Variants in ARL15 observed in about 807,000 individuals in gnomAD.
ARL15 encodes ARF like GTPase 15.
A neutral mutation model predicts 25.2 loss-of-function variants in ARL15; 19 were observed. That is an observed-to-expected ratio of 0.75 (90% CI 0.53 to 1.10). The LOEUF is 1.10. ARL15 is among the 50% of genes least tolerant of loss of function. ARL15 has a pLI of 0.00. For missense variants in ARL15, 220 were observed against 246.0 expected (o/e 0.89, Z 0.71); for synonymous variants, 94 against 86.8 (o/e 1.08, Z -0.46).
chr5:54,114,709 A>T (rs2112223563), intron 3 of ARL15, among the ~76,000 whole-genome samples: 1 of 152,316 alleles, frequency 6.6e-6, no homozygotes, highest in African/African-American at 2.4e-5. Flanking sequence ...GATTTGCATG[A>T]GTTAGCAGAC....
chr5:54,197,208 G>C (rs1755575639), intron 1 of ARL15, among the ~76,000 whole-genome samples: 1 of 152,038 alleles, frequency 6.6e-6, no homozygotes, highest in Admixed American at 6.6e-5. Context: ...TCAGCAGCAA[G>C]AACACAATGT....
chr5:54,266,018 A>G (rs1757614389), intron 1 of ARL15, among the ~76,000 whole-genome samples: 1 of 152,170 alleles, frequency 6.6e-6, no homozygotes, highest in Non-Finnish European at 1.5e-5. Flanking sequence ...CTAAATATCC[A>G]GTTTTTTATT....
intron 4 of ARL15, among the ~76,000 whole-genome samples, chr5:53,957,898 T>C (rs921305282): frequency 5.9e-5 from 9 of 152,108 alleles, no homozygotes; most frequent in Non-Finnish European, 1.3e-4. Flanking sequence ...CTCCTCTTTT[T>C]ACTTTCTACA....
Position 54,079,967 on chromosome 5 carries a change from T to TCACA in ARL15, c.462+33231_462+33234dup, listed in dbSNP as rs58908566. On this transcript the variant is annotated intron_variant, in intron 4 of 4. Coordinates refer to ENST00000504924, the MANE Select transcript of ARL15 (RefSeq NM_019087.3). ...CCTCGGTGACAAGAGTGAGACTCCG[T>TCACA]CACACACACACACACACACACACAC... is the stretch of plus-strand genomic sequence containing the variant. 9.0e-3 allele frequency among the ~76,000 whole-genome samples: 1,118 copies of TCACA among 124,348 alleles called. 10 individuals carry two copies. Among genetic ancestry groups the TCACA allele is most frequent in the East Asian group, 0.019 (68 of 3,560 alleles). 81.6% of individuals were successfully genotyped at this position (124,348 alleles called of 152,430 possible). A position where few individuals can be genotyped will look rare whatever the true frequency, so the allele number is the denominator to read the frequency against.
intron 4 of ARL15, among the ~76,000 whole-genome samples, chr5:53,931,196 GA>G (rs766772132): frequency 6.6e-6 from 1 of 151,988 alleles, no homozygotes; most frequent in Non-Finnish European, 1.5e-5. Flanking sequence ...AAAACGCAGG[GA>G]AAAAAATCTC....
intron 1 of ARL15, among the ~76,000 whole-genome samples, chr5:54,272,684 C>T (rs1019434405): frequency 6.6e-6 from 1 of 152,182 alleles, no homozygotes; most frequent in African/African-American, 2.4e-5. Context: ...AAAGGATGAT[C>T]CTCATGTAGC....
chr5:54,075,230 T>C (rs889988039), intron 4 of ARL15, among the ~76,000 whole-genome samples: 3 of 152,066 alleles, frequency 2.0e-5, no homozygotes, highest in African/African-American at 4.8e-5. Context: ...ACAATAAATA[T>C]AGGGGGTTCT....
intron 4 of ARL15, among the ~76,000 whole-genome samples, chr5:53,979,265 G>A (rs1364982762): frequency 1.3e-5 from 2 of 152,114 alleles, no homozygotes; most frequent in Non-Finnish European, 2.9e-5. Context: ...TGGCATGGTG[G>A]CTCACGCCTA....
chr5:53,990,849 C>T (rs939758714), intron 4 of ARL15, among the ~76,000 whole-genome samples: 4 of 152,126 alleles, frequency 2.6e-5, no homozygotes, highest in African/African-American at 9.6e-5. Flanking sequence ...ATTTGCTGCA[C>T]TGATTTTTTG....
At chr5:54,092,140 A>G (rs1752148219) in intron 4 of ARL15, among the ~76,000 whole-genome samples, 1 of 152,108 alleles carries the variant, frequency 6.6e-6, no homozygotes, top group South Asian at 2.1e-4. Flanking sequence ...GTTTAGGTTG[A>G]AAATACACGT....
intron 4 of ARL15, among the ~76,000 whole-genome samples, chr5:54,059,866 A>T (rs1751008826): frequency 6.6e-6 from 1 of 152,196 alleles, no homozygotes; most frequent in Admixed American, 6.5e-5. Context: ...TATTCTACTT[A>T]TAACCAAATA....
intron 4 of ARL15, among the ~76,000 whole-genome samples, chr5:53,959,475 T>C (rs531474996): frequency 2.0e-4 from 31 of 152,266 alleles, no homozygotes; most frequent in South Asian, 2.1e-4. Flanking sequence ...AATATATCTA[T>C]ATTAAGAAAC....
chr5:54,073,419 A>T (rs1402011477), intron 4 of ARL15, among the ~76,000 whole-genome samples: 1 of 152,214 alleles, frequency 6.6e-6, no homozygotes, highest in African/African-American at 2.4e-5. Context: ...TTCTCACCAC[A>T]TATATAAGAG....
chr5:53,978,407 T>C (rs941552521), intron 4 of ARL15, among the ~76,000 whole-genome samples: 3 of 151,962 alleles, frequency 2.0e-5, no homozygotes, highest in African/African-American at 7.3e-5. Context: ...TTCTAAAGAC[T>C]GAATGTTGAA....
Position 54,113,268 on chromosome 5 carries a change from T to C in ARL15, c.396A>G (p.Leu132=). 1.2e-6 allele frequency: 2 copies of C among 1,613,894 alleles called. No individual in the cohort carries two copies. Among genetic ancestry groups the C allele is most frequent in the Non-Finnish European group, 1.7e-6 (2 of 1,179,856 alleles). Residue 132 remains leucine, a synonymous_variant, in exon 4 of 5, where the codon TTA becomes TTG. Transcript: ENST00000504924. The part of the protein sequence containing the change: ...ELHSALQHPQ[L]CTLPFLILAN... ...CCAATATTAAAAAGGGTAAAGTGCA[T>C]AACTGTGGATGCTGAAGAGCTGAGT...
rs1252872662 is a variant in ARL15 at position 53,886,050 on chromosome 5, A to G, written c.*511T>C. On this transcript the variant is annotated 3_prime_UTR_variant, in exon 5 of 5. Transcript: ENST00000504924. ...AGTTTTTGGTGCTCACTTTTCTCTC[A>G]TAGTCTATAAGCTCAGTATACCAAA... The G allele has an allele frequency of 2.6e-5, 4 of 151,306 alleles. No homozygotes were observed. Among genetic ancestry groups the G allele is most frequent in the African/African-American group, 9.7e-5 (4 of 41,256 alleles). The allele number at this position is 151,306 out of a possible 1,614,324, so 9.4% of individuals were successfully genotyped here. A position where few individuals can be genotyped will look rare whatever the true frequency, so the allele number is the denominator to read the frequency against.
At position 54,029,309 on chromosome 5, in the gene ARL15, CACCACCACCACCACCACCACCACT is replaced by C. The variant is rs1339857880; in HGVS notation, c.462+83869_462+83892del. Among the ~76,000 whole-genome samples the C allele has an allele frequency of 7.8e-3, 901 of 115,318 alleles. 11 individuals are homozygous for C. Among genetic ancestry groups the C allele is most frequent in the African/African-American group, 0.025 (671 of 26,912 alleles). The allele number at this position is 115,318 out of a possible 152,430, so 75.7% of individuals were successfully genotyped here. ...ATAGTTAATTTATAAAAACAGTTACCACCACCACCACCACCACCACCACTACCACCACCACCACCACCACCACCA... is the reference window on the plus strand; with the variant it reads ...ATAGTTAATTTATAAAAACAGTTACCACCACCACCACCACCACCACCACCA... On this transcript the variant is annotated intron_variant, in intron 4 of 4. Transcript: ENST00000504924.
chr5:53,971,792 G>A (rs1011946272), intron 4 of ARL15, among the ~76,000 whole-genome samples: 2 of 152,130 alleles, frequency 1.3e-5, no homozygotes, highest in African/African-American at 4.8e-5. Context: ...CTGAATTCTT[G>A]CTGATGTGAT....
chr5:54,294,371 G>A (rs1758415031), intron 1 of ARL15, among the ~76,000 whole-genome samples: 1 of 152,186 alleles, frequency 6.6e-6, no homozygotes, highest in African/African-American at 2.4e-5. Flanking sequence ...TGTATATTAC[G>A]TTCAGTGTTA....
Sources: allele counts gnomAD v4.1 joint callset (sites outside exome capture counted in the v4.1 genomes callset), GRCh38; gene constraint gnomAD v4.1.1; transcripts MANE v1.5; gene names NCBI Gene and HGNC (gene_info 2026-07-23, HGNC 2026-07-21).